Variants in ACER3 observed in about 807,000 individuals in gnomAD.
ACER3 encodes alkaline ceramidase 3.
ACER3 carries 16 observed loss-of-function variants against 48.9 expected under a neutral mutation model. The observed-to-expected ratio is 0.33, with a 90% CI of 0.22 to 0.50. The LOEUF (loss-of-function observed/expected upper bound fraction) is 0.50, where lower values mean the gene tolerates loss of function less well. ACER3 is among the 20% of genes least tolerant of loss of function. The pLI, the probability that ACER3 is intolerant of heterozygous loss-of-function variation, is 0.98. For synonymous variants in ACER3, 109 were observed against 107.8 expected, an observed-to-expected ratio of 1.01 and a Z score of -0.07; for missense variants, 227 against 326.0, an observed-to-expected ratio of 0.70 and a Z score of 2.34.
rs55832337 is a variant in ACER3, at chr11:76,877,491, A to G, written c.103+16412A>G. Among the ~76,000 whole-genome samples, 1,373 of 152,202 alleles carry G rather than the reference A, an allele frequency of 9.0e-3. 8 individuals carry two copies. Among genetic ancestry groups the G allele is most frequent in the Non-Finnish European group, 0.014 (937 of 67,980 alleles). ...AACATTATGGTTTCTAAGCTATTTC[A>G]CCTTCTGAGTAGCAATTTTTCCTTT... On this transcript the variant is annotated intron_variant, in intron 1 of 10. Transcript: ENST00000532485.
intron 1 of ACER3, among the ~76,000 whole-genome samples, chr11:76,867,400 C>CGGAGGTTGCAGAG (rs1945117501): frequency 7.8e-6 from 1 of 128,354 alleles, no homozygotes; most frequent in African/African-American, 3.0e-5. Flanking sequence ...ACGCTGGAGG[C>CGGAGGTTGCAGAG]GGAGGTTGCA....
intron 2 of ACER3, chr11:76,957,521 G>A (rs1424126942): frequency 4.5e-6 from 2 of 445,970 alleles, no homozygotes; most frequent in South Asian, 3.2e-5. Flanking sequence ...TCGGCTCACT[G>A]CAACCTCCAT....
intron 6 of ACER3, chr11:76,994,357 T>C (rs1007483330): frequency 2.8e-5 from 10 of 356,152 alleles, no homozygotes; most frequent in Middle Eastern, 1.0e-3. Flanking sequence ...CTTGAATTCC[T>C]GGCCTCAAGT....
chr11:76,974,500 G>A (rs1259076378), intron 3 of ACER3, among the ~76,000 whole-genome samples: 1 of 152,194 alleles, frequency 6.6e-6, no homozygotes, highest in African/African-American at 2.4e-5. Flanking sequence ...AGAGGTATCA[G>A]GAAGTAGAAG....
At chr11:76,880,225 G>T (rs1486518709) in intron 1 of ACER3, among the ~76,000 whole-genome samples, 1 of 151,880 alleles carries the variant, frequency 6.6e-6, no homozygotes, top group African/African-American at 2.4e-5. Context: ...TTAGTTTCAT[G>T]AGACGGAAGC....
At chr11:76,975,983 G>A (rs1040667042) in intron 3 of ACER3, among the ~76,000 whole-genome samples, 13 of 146,304 alleles carry the variant, frequency 8.9e-5, no homozygotes, top group African/African-American at 2.3e-4. Flanking sequence ...AGGCTCAAGC[G>A]ATCCTTTTGC....
At chr11:76,920,967 A>C (rs1946673535) in intron 1 of ACER3, among the ~76,000 whole-genome samples, 1 of 152,178 alleles carries the variant, frequency 6.6e-6, no homozygotes, top group Admixed American at 6.5e-5. Context: ...CAAAGTTTTA[A>C]GTCCACGATC....
At chr11:76,898,190 T>C (rs1035181778) in intron 1 of ACER3, among the ~76,000 whole-genome samples, 2 of 152,192 alleles carry the variant, frequency 1.3e-5, no homozygotes, top group African/African-American at 4.8e-5. Context: ...TAAATGTCAA[T>C]ACAGTGCATA....
intron 7 of ACER3, among the ~76,000 whole-genome samples, chr11:77,007,870 A>G (rs1013222705): frequency 2.6e-5 from 4 of 152,120 alleles, no homozygotes; most frequent in South Asian, 2.1e-4. Flanking sequence ...TCGGAAATCT[A>G]TTGCATGGCA....
chr11:76,987,906 C>A (rs1364844447), intron 5 of ACER3, among the ~76,000 whole-genome samples: 1 of 152,242 alleles, frequency 6.6e-6, no homozygotes, highest in Non-Finnish European at 1.5e-5. Context: ...TGCCACTGCA[C>A]TCTGGCCTGG....
chr11:76,990,700 G>A, intron 6 of ACER3, 126 bp downstream of exon 6: 2 of 640,354 alleles, frequency 3.1e-6, no homozygotes, highest in Middle Eastern at 4.7e-4. Flanking sequence ...TTCTAAGGAA[G>A]TTCAGTGTTT....
intron 6 of ACER3, chr11:76,994,057 G>C (rs1290994192): frequency 2.4e-6 from 1 of 418,040 alleles, no homozygotes; most frequent in African/African-American, 2.1e-5. Context: ...AGCGTTTACA[G>C]AATCAGTGAC....
At chr11:76,920,778 G>A (rs535859400) in intron 1 of ACER3, among the ~76,000 whole-genome samples, 8 of 151,844 alleles carry the variant, frequency 5.3e-5, no homozygotes, top group Admixed American at 2.0e-4. Context: ...CTAAGACCAC[G>A]GGCAAGTGCC....
chr11:76,928,096 A>G (rs1178347892), intron 2 of ACER3, among the ~76,000 whole-genome samples: 1 of 152,004 alleles, frequency 6.6e-6, no homozygotes, highest in South Asian at 2.1e-4. Flanking sequence ...AAGTGTTCCT[A>G]TTTCTCCACA....
chr11:76,990,486 TC>T, intron 5 of ACER3, 52 bp from the exon 6 acceptor site: 2 of 1,299,754 alleles, frequency 1.5e-6, no homozygotes, highest in South Asian at 1.2e-5. Flanking sequence ...AGTCGGTTTT[TC>T]CCCCCTTCAT....
rs537786441 is a variant in ACER3 at position 77,016,085 on chromosome 11, C to T, written c.600-590C>T. ...TCGTGCTACTGTACTCCAGCCTGGG[C>T]GACAGAGCAAGACTCCGTCTCAGGG... is the stretch of plus-strand genomic sequence containing the variant. On this transcript the variant is annotated intron_variant, in intron 8 of 10. Coordinates refer to ENST00000532485, the MANE Select transcript of ACER3 (RefSeq NM_018367.7). 6.0e-5 allele frequency among the ~76,000 whole-genome samples: 8 copies of T among 133,372 alleles called. No homozygotes were observed. The East Asian group carries it at 1.3e-3, about 21-fold the overall frequency. The allele number at this position is 133,372 out of a possible 152,430, so 87.5% of individuals were successfully genotyped here.
intron 7 of ACER3, among the ~76,000 whole-genome samples, chr11:77,013,859 A>G (rs116060612): frequency 6.6e-6 from 1 of 152,262 alleles, no homozygotes; most frequent in Non-Finnish European, 1.5e-5. Flanking sequence ...TGCTGTGACC[A>G]TACAATGGAG....
intron 3 of ACER3, among the ~76,000 whole-genome samples, chr11:76,968,862 C>G (rs558964508): frequency 3.5e-4 from 54 of 152,258 alleles, no homozygotes; most frequent in East Asian, 1.7e-3. Flanking sequence ...CTAGGCAATA[C>G]CATTCAGGAC....
intron 1 of ACER3, among the ~76,000 whole-genome samples, chr11:76,896,392 C>T (rs1002545796): frequency 6.6e-6 from 1 of 151,322 alleles, no homozygotes; most frequent in African/African-American, 2.5e-5. Context: ...GGCCTGGTGG[C>T]TCACGCCTGT....
Sources: allele counts gnomAD v4.1 joint callset (sites outside exome capture counted in the v4.1 genomes callset), GRCh38; gene constraint gnomAD v4.1.1; transcripts MANE v1.5; gene names NCBI Gene and HGNC (gene_info 2026-07-23, HGNC 2026-07-21).